Variants in CCDC88A observed in about 807,000 individuals in gnomAD.
CCDC88A encodes coiled-coil and HOOK domain protein 88A.
In CCDC88A, 54 loss-of-function variants were observed where a neutral mutation model predicts 234.3. That is an observed-to-expected ratio of 0.23 (90% CI 0.19 to 0.29). The LOEUF is 0.29. CCDC88A is among the 10% of genes least tolerant of loss of function. The pLI, the probability that CCDC88A is intolerant of heterozygous loss-of-function variation, is 1.00. For missense variants in CCDC88A, 1,832 were observed against 2,123.4 expected (o/e 0.86, Z 2.70); for synonymous variants, 753 against 737.8 (o/e 1.02, Z -0.33).
intron 2 of CCDC88A, among the ~76,000 whole-genome samples, chr2:55,416,295 C>T (rs1168127096): frequency 2.0e-5 from 3 of 150,018 alleles, no homozygotes; most frequent in Non-Finnish European, 3.0e-5. Flanking sequence ...AATTTGGAGA[C>T]ATCACAACAG....
At chr2:55,299,509 A>G (rs1184126051) in intron 29 of CCDC88A, among the ~76,000 whole-genome samples, 2 of 152,252 alleles carry the variant, frequency 1.3e-5, no homozygotes, top group South Asian at 2.1e-4. Context: ...TCCATGCGTC[A>G]TAAGAAAATG....
intron 8 of CCDC88A, chr2:55,349,864 C>G (rs569844890): frequency 1.1e-4 from 28 of 265,164 alleles, no homozygotes; most frequent in Non-Finnish European, 1.6e-4. Flanking sequence ...CTCTTTTCAT[C>G]TTTCCTGCCC....
chr2:55,322,430 A>AATTGTT, intron 18 of CCDC88A, 98 bp downstream of exon 18: 1 of 708,056 alleles, frequency 1.4e-6, no homozygotes, highest in Non-Finnish European at 2.3e-6. Flanking sequence ...AAGTGCCATC[A>AATTGTT]ATTGTTTAAA....
Position 55,328,458 on chromosome 2 carries a change from AGTTCATTATTGGAG to A in CCDC88A, c.2856-37_2856-24del, listed in dbSNP as rs1558676590. 5 of 1,467,150 alleles carry A rather than the reference AGTTCATTATTGGAG, an allele frequency of 3.4e-6. No homozygotes were observed. In the South Asian group the frequency reaches 6.8e-5, roughly 20 times the overall value. The allele number at this position is 1,467,150 out of a possible 1,614,324, so 90.9% of individuals were successfully genotyped here. A position where few individuals can be genotyped will look rare whatever the true frequency, so the allele number is the denominator to read the frequency against. On this transcript the variant is annotated intron_variant, in intron 16 of 32. Transcript: ENST00000436346. This position sits in a 1 kb window ranked among gnomAD's most constrained non-coding sequence, Gnocchi z 4.3. ...CTACTATCCAAGTACAAAGTAATGT[AGTTCATTATTGGAG>A]GTCAGAAAATTATTTTTAAAGATAA... is the stretch of plus-strand genomic sequence containing the variant.
intron 3 of CCDC88A, among the ~76,000 whole-genome samples, chr2:55,379,682 C>T (rs531401818): frequency 6.6e-6 from 1 of 152,292 alleles, no homozygotes; most frequent in South Asian, 2.1e-4. Context: ...AATCCCAGCA[C>T]TTCGGGAGGC....
At chr2:55,396,732 T>A (rs1383028693) in intron 2 of CCDC88A, among the ~76,000 whole-genome samples, 1 of 151,570 alleles carries the variant, frequency 6.6e-6, no homozygotes, top group Non-Finnish European at 1.5e-5. Flanking sequence ...TAGCCAGGCG[T>A]GGTGGCAGGC....
At chr2:55,303,756 A>C (rs1198694680) in intron 25 of CCDC88A, among the ~76,000 whole-genome samples, 2 of 152,220 alleles carry the variant, frequency 1.3e-5, no homozygotes, top group African/African-American at 4.8e-5. Flanking sequence ...TTATTTATGC[A>C]GGGATCAACT....
At chr2:55,324,928 G>A (rs974464055) in intron 17 of CCDC88A, among the ~76,000 whole-genome samples, 6 of 152,222 alleles carry the variant, frequency 3.9e-5, no homozygotes, top group African/African-American at 1.4e-4. Flanking sequence ...TTACAGGCAA[G>A]AGCTACCATG....
At chr2:55,414,159 A>G (rs547312286) in intron 2 of CCDC88A, among the ~76,000 whole-genome samples, 3 of 152,196 alleles carry the variant, frequency 2.0e-5, no homozygotes, top group Non-Finnish European at 4.4e-5. Context: ...TTCTGATACT[A>G]TTAACAATTT....
In CCDC88A at chr2:55,388,820, G is replaced by A; in HGVS notation, c.231C>T (p.His77=). ...KVNNDASLRM[H]NLSILVRQIK... is the part of the protein sequence containing the mutation. The stretch of plus-strand genomic sequence containing the variant: ...TCTGTCTCACCAAAATGGATAGATT[G>A]TGCATTCTAAGTGAGGCATCATTAT... The change falls in exon 3 of 33, where the codon CAC becomes CAT. Residue 77 remains histidine, a synonymous_variant. Coordinates refer to ENST00000436346, the MANE Select transcript of CCDC88A (RefSeq NM_001365480.1). The A allele has an allele frequency of 6.5e-7, 1 of 1,538,818 alleles. No individual in the cohort carries two copies. Among genetic ancestry groups the A allele is most frequent in the Non-Finnish European group, 8.9e-7 (1 of 1,126,700 alleles).
intron 5 of CCDC88A, among the ~76,000 whole-genome samples, chr2:55,369,581 A>G (rs534610616): frequency 5.3e-5 from 8 of 151,326 alleles, no homozygotes; most frequent in African/African-American, 1.9e-4. Context: ...CCTCCTGCGT[A>G]GCTGGGACTA....
chr2:55,362,389 C>T lies in CCDC88A; in HGVS notation c.546G>A (p.Ser182=), dbSNP rs143776239. ...DLQWMEVTDM[S]QEDIEPLLKN... The stretch of plus-strand genomic sequence containing the variant: ...TCAAGAGTGGTTCTATGTCCTCCTG[C>T]GACATATCAGTCACTTCCATCCATT... The change falls in exon 7 of 33, where the codon TCG becomes TCA. Residue 182 remains serine, a synonymous_variant. Transcript: ENST00000436346. 4.7e-5 allele frequency: 76 copies of T among 1,603,698 alleles called. No individual in the cohort carries two copies. In the African/African-American group the frequency reaches 5.9e-4, roughly 12 times the overall value.
chr2:55,366,904 T>C (rs751228115), intron 5 of CCDC88A, among the ~76,000 whole-genome samples: 1 of 152,172 alleles, frequency 6.6e-6, no homozygotes, highest in African/African-American at 2.4e-5. Flanking sequence ...AAACAAATCA[T>C]AGTTCTACCA....
At chr2:55,325,717 C>G (rs958318422) in intron 17 of CCDC88A, among the ~76,000 whole-genome samples, 1 of 152,140 alleles carries the variant, frequency 6.6e-6, no homozygotes, top group Non-Finnish European at 1.5e-5. Flanking sequence ...ATTGAACTCT[C>G]TTACTGTAAT....
Position 55,336,728 on chromosome 2 carries a change from G to C in CCDC88A, c.1609C>G (p.Gln537Glu), listed in dbSNP as rs1247617743. Residue 537 changes from glutamine to glutamate, a missense_variant, in exon 14 of 33, where the codon CAG (glutamine) becomes GAG (glutamate). By Grantham distance (29) the Gln-to-Glu change is conservative. This residue lies in a region of CCDC88A where 1,282 missense variants were observed against 1,543.6 expected (regional missense o/e 0.83). Coordinates refer to ENST00000436346, the MANE Select transcript of CCDC88A (RefSeq NM_001365480.1). ...AGTGTTTCTATTGTTTTTTCAAGCT[G>C]AGCTTTCTCCTTCATTAGATCCTTG... Reference protein sequence around the residue: ...LSKDLMKEKAQLEKTIETLRE... With the variant: ...LSKDLMKEKAELEKTIETLRE... The C allele has an allele frequency of 6.3e-7, 1 of 1,598,504 alleles. No homozygotes were observed. The highest frequency in any genetic ancestry group is 1.7e-5 in the Admixed American group (1 of 57,962).
chr2:55,291,638 G>A lies in CCDC88A; in HGVS notation c.*35+38C>T, dbSNP rs1437257289. 1.5e-5 allele frequency: 14 copies of A among 915,610 alleles called. No individual in the cohort carries two copies. The East Asian group carries it at 2.8e-4, about 18-fold the overall frequency. The allele number at this position is 915,610 out of a possible 1,614,324, so 56.7% of individuals were successfully genotyped here. On this transcript the variant is annotated intron_variant, in intron 32 of 32. Transcript: ENST00000436346. ...CTTAATTTGGTTAGTTTGTATAAAT[G>A]AGACTAATCTCATTTACATTTTAAG... is the stretch of plus-strand genomic sequence containing the variant.
chr2:55,417,376 T>C (rs1485228085), intron 2 of CCDC88A: 2 of 152,016 alleles, frequency 1.3e-5, no homozygotes, highest in Non-Finnish European at 2.9e-5. Context: ...TCTACTGTAA[T>C]GGCTACCCTT....
At chr2:55,302,925 A>C (rs1681073240) in intron 26 of CCDC88A, 144 bp downstream of exon 26, 1 of 590,364 alleles carries the variant, frequency 1.7e-6, no homozygotes, top group Admixed American at 2.9e-5. Flanking sequence ...TGAAAAAAAA[A>C]ATTCTTCTAG....
chr2:55,330,261 G>T (rs1399878472), intron 16 of CCDC88A: 1 of 152,024 alleles, frequency 6.6e-6, no homozygotes, highest in African/African-American at 2.4e-5. Context: ...ACTTTCAGAG[G>T]ACAAGGTGGG....
Sources: allele counts gnomAD v4.1 joint callset (sites outside exome capture counted in the v4.1 genomes callset), GRCh38; gene constraint gnomAD v4.1.1; regional missense constraint gnomAD v4.1.1; non-coding constraint Gnocchi (gnomAD v3.1); transcripts MANE v1.5; gene names NCBI Gene and HGNC (gene_info 2026-07-23, HGNC 2026-07-21).